GRID2: variants seen among roughly 807,000 people sequenced by gnomAD.
GRID2 encodes glutamate ionotropic receptor delta type subunit 2.
A neutral mutation model predicts 114.8 loss-of-function variants in GRID2; 33 were observed. The ratio of observed to expected loss-of-function variants is 0.29; its 90% CI spans 0.22 to 0.38. The LOEUF is 0.38. GRID2 is among the 10% of genes least tolerant of loss of function. The probability of loss-of-function intolerance (pLI) is 1.00; values close to 1 mark genes in which losing one functional copy is unlikely to be tolerated. For synonymous variants in GRID2, 505 were observed against 449.9 expected, an observed-to-expected ratio of 1.12 and a Z score of -1.55; for missense variants, 1,184 against 1,257.7, an observed-to-expected ratio of 0.94 and a Z score of 0.89.
At chr4:92,510,018 A>C (rs1397455512) in intron 1 of GRID2, among the ~76,000 whole-genome samples, 1 of 151,934 alleles carries the variant, frequency 6.6e-6, no homozygotes, top group Non-Finnish European at 1.5e-5. Context: ...ATACTTTCAC[A>C]GAATTCCTCT....
At chr4:92,629,259 A>G (rs1292892767) in intron 2 of GRID2, among the ~76,000 whole-genome samples, 2 of 152,214 alleles carry the variant, frequency 1.3e-5, no homozygotes, top group Admixed American at 1.3e-4. Flanking sequence ...TCAGATATGC[A>G]ACATTTATAG....
intron 2 of GRID2, among the ~76,000 whole-genome samples, chr4:92,635,589 T>A (rs1158698235): frequency 6.6e-6 from 1 of 152,096 alleles, no homozygotes; most frequent in East Asian, 1.9e-4. Context: ...CAAATTCTTG[T>A]GGAATTCACT....
intron 2 of GRID2, among the ~76,000 whole-genome samples, chr4:92,628,943 A>G (rs902653164): frequency 6.6e-6 from 1 of 151,810 alleles, no homozygotes; most frequent in African/African-American, 2.4e-5. Context: ...TTGTGCCAGT[A>G]ATTGTGGGGT....
chr4:93,188,731 A>G (rs925363818), intron 4 of GRID2, among the ~76,000 whole-genome samples: 2 of 152,132 alleles, frequency 1.3e-5, no homozygotes, highest in African/African-American at 4.8e-5. Flanking sequence ...ATTTTACTAT[A>G]AGCAATTTAG....
At chr4:92,821,689 C>T (rs1242652476) in intron 2 of GRID2, among the ~76,000 whole-genome samples, 2 of 152,076 alleles carry the variant, frequency 1.3e-5, no homozygotes, top group African/African-American at 4.8e-5. Context: ...TAGCCCACCC[C>T]CTCAATAAGG....
chr4:93,805,558 C>T (rs1179679886), intron 1 of GRID2, among the ~76,000 whole-genome samples: 1 of 152,188 alleles, frequency 6.6e-6, no homozygotes, highest in Non-Finnish European at 1.5e-5. Context: ...TCAGTCTTCT[C>T]TAAATCCTGT....
chr4:92,930,935 C>T (rs1750184555), intron 2 of GRID2, among the ~76,000 whole-genome samples: 1 of 150,812 alleles, frequency 6.6e-6, no homozygotes, highest in Admixed American at 6.6e-5. Context: ...TTCTATCAAG[C>T]ATTTGGGGAA....
intron 2 of GRID2, among the ~76,000 whole-genome samples, chr4:92,765,111 T>A (rs1395125238): frequency 6.6e-6 from 1 of 152,236 alleles, no homozygotes; most frequent in African/African-American, 2.4e-5. Flanking sequence ...TTGGGAAATA[T>A]ATGGAATGTC....
chr4:93,409,035 ATAAT>A (rs1766832500), intron 9 of GRID2, among the ~76,000 whole-genome samples: 1 of 152,130 alleles, frequency 6.6e-6, no homozygotes, highest in East Asian at 1.9e-4. Flanking sequence ...GGGTAGCAAA[ATAAT>A]TATGTACCTT....
At chr4:93,808,110 A>T (rs1268085840) in exon 2 of GRID2, 1 of 152,118 alleles carries the variant, frequency 6.6e-6, no homozygotes, top group African/African-American at 2.4e-5. Context: ...TTTTACTAAT[A>T]TATTATTTCT....
intron 1 of GRID2, among the ~76,000 whole-genome samples, chr4:93,784,689 A>G (rs922692513): frequency 4.7e-5 from 7 of 149,716 alleles, no homozygotes; most frequent in Admixed American, 4.0e-4. Context: ...GGTATCGCAG[A>G]ACATACAGAC....
intron 11 of GRID2, among the ~76,000 whole-genome samples, chr4:93,465,010 C>A (rs1724132385): frequency 6.6e-6 from 1 of 152,120 alleles, no homozygotes; most frequent in Admixed American, 6.5e-5. Flanking sequence ...GGATATTAAA[C>A]AAGAATTATT....
At chr4:93,106,538 G>T (rs1027049907) in intron 3 of GRID2, among the ~76,000 whole-genome samples, 3 of 152,054 alleles carry the variant, frequency 2.0e-5, no homozygotes, top group Non-Finnish European at 4.4e-5. Flanking sequence ...AGCCAGGCTG[G>T]TCTGAAACTC....
At chr4:92,709,435 C>T (rs549918135) in intron 2 of GRID2, among the ~76,000 whole-genome samples, 15 of 151,682 alleles carry the variant, frequency 9.9e-5, no homozygotes, top group Non-Finnish European at 1.3e-4. Context: ...TGTAATGATA[C>T]GCTATTCGCA....
intron 4 of GRID2, among the ~76,000 whole-genome samples, chr4:93,154,360 A>G (rs1736985700): frequency 6.6e-6 from 1 of 152,070 alleles, no homozygotes; most frequent in African/African-American, 2.4e-5. Context: ...CCTTGATTCC[A>G]CAACTAAAAG....
intron 3 of GRID2, among the ~76,000 whole-genome samples, chr4:93,097,576 T>G (rs1731332486): frequency 6.6e-6 from 1 of 151,758 alleles, no homozygotes; most frequent in Non-Finnish European, 1.5e-5. Flanking sequence ...GCAGGGTGCA[T>G]AGCAACATAT....
chr4:93,602,905 A>G (rs953018867), intron 13 of GRID2, among the ~76,000 whole-genome samples: 2 of 152,212 alleles, frequency 1.3e-5, no homozygotes, highest in African/African-American at 4.8e-5. Flanking sequence ...CAATGAATGC[A>G]TGAATGATAA....
At position 93,205,223 on chromosome 4, in the gene GRID2, T is replaced by A. The variant is rs893538154; in HGVS notation, c.736-2181T>A. Among the ~76,000 whole-genome samples, 23 of 152,140 alleles carry A rather than the reference T, an allele frequency of 1.5e-4. No homozygotes were observed. The South Asian group carries it at 1.7e-3, about 11-fold the overall frequency. The stretch of plus-strand genomic sequence containing the variant: ...TTACTGGTATAAAGTGTTTTTTTTT[T>A]ATTTTTTTTTAGCTAAAACTGAAAA... On this transcript the variant is annotated intron_variant, in intron 4 of 15. Coordinates refer to ENST00000282020, the MANE Select transcript of GRID2 (RefSeq NM_001510.4).
At chr4:93,305,102 A>T (rs940330657) in intron 8 of GRID2, among the ~76,000 whole-genome samples, 2 of 152,118 alleles carry the variant, frequency 1.3e-5, no homozygotes. Flanking sequence ...GTAGATTTAG[A>T]CAGTAATAGA....
Sources: allele counts gnomAD v4.1 joint callset (sites outside exome capture counted in the v4.1 genomes callset), GRCh38; gene constraint gnomAD v4.1.1; transcripts MANE v1.5; gene names NCBI Gene and HGNC (gene_info 2026-07-23, HGNC 2026-07-21).